TRIOBP: variants seen among roughly 807,000 people sequenced by gnomAD.
TRIOBP encodes the protein TRIO and F-actin-binding protein.
Under a neutral mutation model 238.8 loss-of-function variants are expected in TRIOBP, and 169 were observed. That is an observed-to-expected ratio of 0.71 (90% CI 0.62 to 0.80). TRIOBP has a LOEUF of 0.80. TRIOBP is among the 30% of genes least tolerant of loss of function. The probability of loss-of-function intolerance (pLI) is 0.00; values close to 1 mark genes in which losing one functional copy is unlikely to be tolerated. For synonymous variants in TRIOBP, 1,150 were observed against 1,274.4 expected, an observed-to-expected ratio of 0.90 and a Z score of 2.08; for missense variants, 2,838 against 3,122.6, an observed-to-expected ratio of 0.91 and a Z score of 2.17.
At chr22:37,699,227 A>T (rs1922515814) in intron 2 of TRIOBP, among the ~76,000 whole-genome samples, 1 of 152,114 alleles carries the variant, frequency 6.6e-6, no homozygotes. Flanking sequence ...TTGCTGTGTG[A>T]CTTTAGGCTG....
chr22:37,763,380 GCC>G (rs1458589631), intron 17 of TRIOBP, among the ~76,000 whole-genome samples: 1 of 152,184 alleles, frequency 6.6e-6, no homozygotes, highest in African/African-American at 2.4e-5. Context: ...GTTGTCCTAA[GCC>G]AGGAGACACA....
chr22:37,757,985 C>A lies in TRIOBP; in HGVS notation c.6060C>A (p.Asn2020Lys). 1.3e-6 allele frequency: 2 copies of A among 1,590,426 alleles called. No homozygotes were observed. The highest frequency in any genetic ancestry group is 2.3e-5 in the South Asian group (2 of 88,118). Residue 2020 changes from asparagine (N) to lysine (K), a missense_variant, in exon 16 of 24, where the codon AAC (asparagine) becomes AAA (lysine). Around this residue, in one of 5 missense-constraint regions of TRIOBP, gnomAD observed 2,096 missense variants for 2,137.4 expected, o/e 0.98. Transcript: ENST00000644935. ...CCCCCCTGACTGAGGACCAGCAAAA[C>A]CGGCTTAGTGAGGAGATCGAGAAGA... ...LGAPLTEDQQ[N>K]RLSEEIEKKW...
intron 9 of TRIOBP, 52 bp downstream of exon 9, chr22:37,735,494 G>C (rs1427763706): frequency 6.5e-7 from 1 of 1,536,414 alleles, no homozygotes; most frequent in Non-Finnish European, 8.7e-7. Flanking sequence ...GCCCCACTCA[G>C]CCAAGTCTCC....
rs768427040 is a variant in TRIOBP, at chr22:37,772,694, G to A, written c.7030G>A (p.Glu2344Lys). The change falls in exon 23 of 24, where the codon GAG (glutamate) becomes AAG (lysine). Residue 2344 changes from glutamate to lysine, a missense_variant. Physicochemically the swap from Glu to Lys is moderately conservative, Grantham distance 56 (BLOSUM62 1). Transcript: ENST00000644935. ...RSEREIEQLK[E>K]HLRLAMAALQ... ...TGAGCGGGAGATCGAGCAGCTGAAG[G>A]AGCACCTGCGTCTTGCCATGGCCGC... 28 of 1,613,976 alleles carry A rather than the reference G, an allele frequency of 1.7e-5. No individual in the cohort carries two copies. The highest frequency in any genetic ancestry group is 2.2e-5 in the Non-Finnish European group (26 of 1,180,038).
At chr22:37,749,245 T>G (rs1925443450) in intron 11 of TRIOBP, among the ~76,000 whole-genome samples, 1 of 151,962 alleles carries the variant, frequency 6.6e-6, no homozygotes, top group South Asian at 2.1e-4. Context: ...ATCTCAGGTA[T>G]TTGGGAGGCT....
chr22:37,759,539 G>A, intron 17 of TRIOBP: 1 of 1,602,040 alleles, frequency 6.2e-7, no homozygotes, highest in Non-Finnish European at 8.5e-7. Context: ...CGAGGGTCCG[G>A]CTGACTGCAG....
rs768041925 is a variant in TRIOBP at position 37,733,411 on chromosome 22, A to G, written c.4061A>G (p.Gln1354Arg). 1.5e-5 allele frequency: 23 copies of G among 1,550,124 alleles called. No homozygotes were observed. The highest frequency in any genetic ancestry group is 2.0e-5 in the Non-Finnish European group (23 of 1,146,674). ...CAGTCCAGCCCTGCCCCCAGCAGGC[A>G]GGTGAGCACTGCCAGCTGTCTGGGG... ...RRQSSPAPSR[Q>R]VTMLPAKQAE... The change falls in exon 8 of 24, where the codon CAG (glutamine) becomes CGG (arginine). Residue 1354 changes from glutamine (Q) to arginine (R), a missense_variant and splice_region_variant. Gln to Arg is a conservative substitution (Grantham distance 43). Coordinates refer to ENST00000644935, the MANE Select transcript of TRIOBP (RefSeq NM_001039141.3).
intron 9 of TRIOBP, 80 bp from the exon 10 acceptor site, chr22:37,738,562 G>C (rs777935075): frequency 3.7e-6 from 5 of 1,366,202 alleles, no homozygotes; most frequent in Non-Finnish European, 5.2e-6. Context: ...ACAGATGATA[G>C]AATGGATGGA....
At chr22:37,719,538 G>T (rs1257100728) in intron 6 of TRIOBP, among the ~76,000 whole-genome samples, 1 of 152,148 alleles carries the variant, frequency 6.6e-6, no homozygotes, top group Non-Finnish European at 1.5e-5. Context: ...CTCAGCAGAC[G>T]TTTACTTACT....
intron 6 of TRIOBP, among the ~76,000 whole-genome samples, chr22:37,716,826 G>A (rs998249548): frequency 6.6e-6 from 1 of 152,248 alleles, no homozygotes; most frequent in African/African-American, 2.4e-5. Context: ...ATTGGAGCAG[G>A]GAGGGGTTGA....
At chr22:37,766,210 C>T (rs1926487546) in intron 18 of TRIOBP, among the ~76,000 whole-genome samples, 1 of 152,226 alleles carries the variant, frequency 6.6e-6, no homozygotes, top group Admixed American at 6.5e-5. Context: ...CTGGGGAGAG[C>T]AGGGGAAGGT....
Position 37,758,049 on chromosome 22 carries a change from A to G in TRIOBP, c.6124A>G (p.Lys2042Glu). 1.2e-6 allele frequency: 2 copies of G among 1,612,036 alleles called. No homozygotes were observed. Among genetic ancestry groups the G allele is most frequent in the South Asian group, 1.1e-5 (1 of 91,034 alleles). ...ELEKLPLREN[K>E]RVPLTALLNQ... ...GGAGAAGCTGCCCCTGCGGGAGAATAAGCGGGTGCCCCTCACTGCCCTGCT... is the reference window on the plus strand; with the variant it reads ...GGAGAAGCTGCCCCTGCGGGAGAATGAGCGGGTGCCCCTCACTGCCCTGCT... The change falls in exon 16 of 24, where the codon AAG (lysine) becomes GAG (glutamate). Residue 2042 changes from lysine (K) to glutamate (E), a missense_variant. Lys to Glu is a moderately conservative substitution (Grantham distance 56). Transcript: ENST00000644935.
At chr22:37,728,429 C>T (rs1924280922) in intron 7 of TRIOBP, among the ~76,000 whole-genome samples, 1 of 152,026 alleles carries the variant, frequency 6.6e-6, no homozygotes, top group South Asian at 2.1e-4. Flanking sequence ...AGTGAAACTC[C>T]ATCTCAAAAA....
rs1004578792 is a variant in TRIOBP, at chr22:37,775,161, G to C, written c.*1381G>C. ...CATCCAGTAGGGGTCCTGGAAGGCT[G>C]TGAGAACCCAGAGGAGACCCTGACC... is the stretch of plus-strand genomic sequence containing the variant. On this transcript the variant is annotated 3_prime_UTR_variant, in exon 24 of 24. Coordinates refer to ENST00000644935, the MANE Select transcript of TRIOBP (RefSeq NM_001039141.3). 3.9e-5 allele frequency: 6 copies of C among 152,356 alleles called. No individual in the cohort carries two copies. Among genetic ancestry groups the C allele is most frequent in the African/African-American group, 1.4e-4 (6 of 41,580 alleles). The allele number at this position is 152,356 out of a possible 1,614,324, so 9.4% of individuals were successfully genotyped here.
At chr22:37,717,256 C>T (rs1359691321) in intron 6 of TRIOBP, among the ~76,000 whole-genome samples, 3 of 152,106 alleles carry the variant, frequency 2.0e-5, no homozygotes, top group Non-Finnish European at 4.4e-5. Context: ...AAGCTGCAGA[C>T]CTTCGTGGTG....
At chr22:37,744,969 G>A (rs943470853) in intron 11 of TRIOBP, among the ~76,000 whole-genome samples, 10 of 151,998 alleles carry the variant, frequency 6.6e-5, no homozygotes, top group African/African-American at 2.2e-4. Context: ...GGGTTCAAGC[G>A]ATTCTCCTGC....
intron 7 of TRIOBP, among the ~76,000 whole-genome samples, chr22:37,728,293 G>T (rs944016773): frequency 2.6e-5 from 4 of 151,120 alleles, no homozygotes; most frequent in Non-Finnish European, 5.9e-5. Flanking sequence ...AATTAGCCGG[G>T]CATAGTGGCA....
chr22:37,715,974 TG>T (rs1221549714), intron 6 of TRIOBP, 40 bp downstream of exon 6: 7 of 1,609,482 alleles, frequency 4.3e-6, no homozygotes, highest in African/African-American at 1.3e-5. Flanking sequence ...GGTGATGGCC[TG>T]GGGCCCCCCA....
intron 18 of TRIOBP, 33 bp from the exon 19 acceptor site, chr22:37,768,041 A>C: frequency 6.3e-7 from 1 of 1,576,516 alleles, no homozygotes; most frequent in Middle Eastern, 1.7e-4. Flanking sequence ...ACCCCCCTCC[A>C]GTCTCTCTTG....
Sources: allele counts gnomAD v4.1 joint callset (sites outside exome capture counted in the v4.1 genomes callset), GRCh38; gene constraint gnomAD v4.1.1; regional missense constraint gnomAD v4.1.1; transcripts MANE v1.5; gene names NCBI Gene and HGNC (gene_info 2026-07-23, HGNC 2026-07-21).